The following CCDC88C variants were observed in gnomAD, a reference collection of about 807,000 sequenced individuals.
The protein encoded by CCDC88C is coiled-coil and HOOK domain protein 88C.
In CCDC88C, 131 loss-of-function variants were observed where a neutral mutation model predicts 198.8. That is an observed-to-expected ratio of 0.66 (90% CI 0.57 to 0.76). CCDC88C has a LOEUF of 0.76. Among genes scored for constraint, CCDC88C ranks in the 30% least tolerant of loss-of-function variants. CCDC88C has a pLI of 0.00. For missense variants in CCDC88C, 2,553 were observed against 2,631.6 expected (o/e 0.97, Z 0.65); for synonymous variants, 1,166 against 1,114.7 (o/e 1.05, Z -0.92).
At chr14:91,302,840 G>A (rs1891361046) in intron 20 of CCDC88C, among the ~76,000 whole-genome samples, 1 of 152,054 alleles carries the variant, frequency 6.6e-6, no homozygotes, top group Admixed American at 6.5e-5. Flanking sequence ...GCCAGAGAAG[G>A]CATACCCCTA....
Position 91,336,784 on chromosome 14 carries a change from C to T in CCDC88C, c.1050+1221G>A, listed in dbSNP as rs192399218. 1.6e-4 allele frequency among the ~76,000 whole-genome samples: 24 copies of T among 152,332 alleles called. No individual in the cohort carries two copies. The East Asian group carries it at 4.4e-3, about 28-fold the overall frequency. On this transcript the variant is annotated intron_variant, in intron 10 of 29. Coordinates refer to ENST00000389857, the MANE Select transcript of CCDC88C (RefSeq NM_001080414.4). The stretch of plus-strand genomic sequence containing the variant: ...AACAGACAGGTCCTCGCCACAGCCT[C>T]ACCAACCCACCTCACCCAGTCCCAG...
In CCDC88C at chr14:91,338,413, TGACCCTCCAGGCCCCGTTACTG is replaced by T; in HGVS notation, c.891+54_891+75del. ...CTTAAAAGCGCTGCTGTTGAGCTCC[TGACCCTCCAGGCCCCGTTACTG>T]GACACTCCAGCCCTGCTACCCCCAG... On this transcript the variant is annotated intron_variant, in intron 9 of 29. Transcript: ENST00000389857. This position sits in a 1 kb window ranked among gnomAD's most constrained non-coding sequence, Gnocchi z 4.8. 1 of 1,313,998 alleles carries T rather than the reference TGACCCTCCAGGCCCCGTTACTG, an allele frequency of 7.6e-7. No homozygotes were observed. The highest frequency in any genetic ancestry group is 1.1e-6 in the Non-Finnish European group (1 of 931,660). 81.4% of individuals were successfully genotyped at this position (1,313,998 alleles called of 1,614,324 possible).
chr14:91,323,111 G>C (rs1892428362), intron 12 of CCDC88C, among the ~76,000 whole-genome samples: 2 of 151,916 alleles, frequency 1.3e-5, no homozygotes, highest in Admixed American at 1.3e-4. Context: ...TCTCCATGTT[G>C]GCCAGGCTGG....
chr14:91,283,586 T>C, intron 25 of CCDC88C, 69 bp from the exon 26 acceptor site: 1 of 1,452,176 alleles, frequency 6.9e-7, no homozygotes, highest in Non-Finnish European at 9.4e-7. Context: ...AACCACACCA[T>C]GGCCTAGAAG....
At chr14:91,364,328 C>T (rs1176698629) in intron 3 of CCDC88C, among the ~76,000 whole-genome samples, 1 of 152,206 alleles carries the variant, frequency 6.6e-6, no homozygotes, top group African/African-American at 2.4e-5. Flanking sequence ...CTTTCGGATC[C>T]TAAAATAAGA....
At chr14:91,330,813 G>A (rs1645634644) in intron 10 of CCDC88C, among the ~76,000 whole-genome samples, 1 of 152,156 alleles carries the variant, frequency 6.6e-6, no homozygotes, top group South Asian at 2.1e-4. Context: ...GCAAGACAGA[G>A]CCTCAGCCAA....
In CCDC88C at chr14:91,338,587, GAGAA is replaced by G. The variant is rs1893162195; in HGVS notation, c.810-21_810-18del. ...TTATCCTCCCTGCAGAGGCAGTAAG[GAGAA>G]AGAGTGTGGGAGGCAGCTTCCTCAA... is the stretch of plus-strand genomic sequence containing the variant. On this transcript the variant is annotated intron_variant, in intron 8 of 29. Coordinates refer to ENST00000389857, the MANE Select transcript of CCDC88C (RefSeq NM_001080414.4). The surrounding 1 kb of genome is among the most constrained non-coding windows in gnomAD (Gnocchi z 4.8). 1 of 1,547,558 alleles carries G rather than the reference GAGAA, an allele frequency of 6.5e-7. No individual in the cohort carries two copies. Among genetic ancestry groups the G allele is most frequent in the African/African-American group, 1.4e-5 (1 of 73,014 alleles).
chr14:91,317,426 G>A (rs1892148230), intron 13 of CCDC88C, among the ~76,000 whole-genome samples: 1 of 152,220 alleles, frequency 6.6e-6, no homozygotes, highest in South Asian at 2.1e-4. Context: ...AGGATGAGCT[G>A]AGCTGGCTGA....
rs112113817 is a variant in CCDC88C at position 91,293,250 on chromosome 14, C to T, written c.4112+923G>A. ...TTCCTGCCCCCTCACCTGCCATGGC[C>T]CACCTTCCCATCCTCACCTGCCACG... On this transcript the variant is annotated intron_variant, in intron 23 of 29. Transcript: ENST00000389857. Among the ~76,000 whole-genome samples, 68 of 106,794 alleles carry T rather than the reference C, an allele frequency of 6.4e-4. No individual in the cohort carries two copies. The East Asian group carries it at 7.0e-3, about 11-fold the overall frequency. 70.1% of individuals were successfully genotyped at this position (106,794 alleles called of 152,430 possible).
intron 4 of CCDC88C, among the ~76,000 whole-genome samples, chr14:91,356,671 A>G (rs1319911356): frequency 6.6e-6 from 1 of 152,190 alleles, no homozygotes; most frequent in Non-Finnish European, 1.5e-5. Context: ...GTTTTATAGC[A>G]TGCAAATGAT....
At position 91,278,002 on chromosome 14, in the gene CCDC88C, G is replaced by A; in HGVS notation, c.4978C>T (p.Pro1660Ser). 1 of 1,581,354 alleles carries A rather than the reference G, an allele frequency of 6.3e-7. No homozygotes were observed. The highest frequency in any genetic ancestry group is 8.6e-7 in the Non-Finnish European group (1 of 1,162,770). Residue 1660 changes from proline to serine, a missense_variant, in exon 29 of 30, where the codon CCC becomes TCC. Physicochemically the swap from Pro to Ser is moderately conservative, Grantham distance 74 (BLOSUM62 -1). This residue lies in a region of CCDC88C where 1,293 missense variants were observed against 1,219.6 expected (regional missense o/e 1.06). Transcript: ENST00000389857. ...GTAPPYVGVR[P>S]CSASPSSEMV... ...TCACTGCTGGGGGAGGCCGAGCAGG[G>A]CCGCACTCCGACGTAGGGAGGGGCT...
chr14:91,377,094 T>C (rs1405209100), intron 3 of CCDC88C, among the ~76,000 whole-genome samples: 1 of 146,550 alleles, frequency 6.8e-6, no homozygotes, highest in Non-Finnish European at 1.5e-5. Context: ...ACAGAAACCA[T>C]GAAAAAGCAC....
chr14:91,394,494 G>A (rs2139986775), intron 3 of CCDC88C, among the ~76,000 whole-genome samples: 1 of 152,342 alleles, frequency 6.6e-6, no homozygotes, highest in East Asian at 1.9e-4. Context: ...CTAGAGACAG[G>A]ATTCCCGGCC....
At chr14:91,324,984 G>A (rs972063982) in intron 11 of CCDC88C, 61 bp from the exon 12 acceptor site, 2 of 1,602,784 alleles carry the variant, frequency 1.2e-6, no homozygotes, top group Non-Finnish European at 1.7e-6. Flanking sequence ...CCCTGGACAA[G>A]CCTCAGCCCC....
intron 4 of CCDC88C, among the ~76,000 whole-genome samples, chr14:91,353,161 G>A (rs1194408780): frequency 1.3e-5 from 2 of 152,182 alleles, no homozygotes. Flanking sequence ...CTAAACCTCA[G>A]CTGTCACAGA....
chr14:91,278,721 G>C (rs1394123164), intron 28 of CCDC88C, among the ~76,000 whole-genome samples: 1 of 152,084 alleles, frequency 6.6e-6, no homozygotes, highest in Non-Finnish European at 1.5e-5. Context: ...TGCATTCTCA[G>C]TGCTGCTCGG....
chr14:91,350,254 G>A (rs530008904), intron 4 of CCDC88C, among the ~76,000 whole-genome samples: 15 of 151,678 alleles, frequency 9.9e-5, no homozygotes, highest in South Asian at 4.2e-4. Context: ...TCCGCCTCCC[G>A]GGTTCAAGAG....
chr14:91,340,837 AC>A (rs1432105369), intron 6 of CCDC88C, among the ~76,000 whole-genome samples: 1 of 152,184 alleles, frequency 6.6e-6, no homozygotes, highest in Admixed American at 6.5e-5. Context: ...CCCCATCTCT[AC>A]AAAAAATTTA....
chr14:91,306,173 G>A (rs1891550282), intron 18 of CCDC88C, among the ~76,000 whole-genome samples: 1 of 152,226 alleles, frequency 6.6e-6, no homozygotes, highest in Non-Finnish European at 1.5e-5. Flanking sequence ...AATGCATGCT[G>A]GAGTTAAAGC....
Sources: allele counts gnomAD v4.1 joint callset (sites outside exome capture counted in the v4.1 genomes callset), GRCh38; gene constraint gnomAD v4.1.1; regional missense constraint gnomAD v4.1.1; non-coding constraint Gnocchi (gnomAD v3.1); transcripts MANE v1.5; gene names NCBI Gene and HGNC (gene_info 2026-07-23, HGNC 2026-07-21).